Variants in HTRA1 observed in about 807,000 individuals in gnomAD.
HTRA1 encodes the protein serine protease HTRA1.
A neutral mutation model predicts 49.7 loss-of-function variants in HTRA1; 26 were observed. The observed-to-expected ratio is 0.52, with a 90% CI of 0.38 to 0.73. HTRA1 has a LOEUF of 0.73. Among genes scored for constraint, HTRA1 ranks in the 30% least tolerant of loss-of-function variants. The pLI is 0.00. For missense variants in HTRA1, 561 were observed against 667.2 expected, an observed-to-expected ratio of 0.84 and a Z score of 1.75; for synonymous variants, 291 against 286.9, an observed-to-expected ratio of 1.01 and a Z score of -0.14.
rs34977432 is a variant in HTRA1 at position 122,478,392 on chromosome 10, A to ATTTTTT, written c.473-10497_473-10492dup. Among the ~76,000 whole-genome samples, 644 of 119,056 alleles carry ATTTTTT rather than the reference A, an allele frequency of 5.4e-3. 33 individuals are homozygous for ATTTTTT. Among genetic ancestry groups the ATTTTTT allele is most frequent in the East Asian group, 7.9e-3 (31 of 3,942 alleles). The allele number at this position is 119,056 out of a possible 152,430, so 78.1% of individuals were successfully genotyped here. ...GCTCCTGGGCTCCTGAGTTTGACAG[A>ATTTTTT]TTTTTTTTTTTTTTTTTTGAGACGG... is the stretch of plus-strand genomic sequence containing the variant. On this transcript the variant is annotated intron_variant, in intron 1 of 8. Transcript: ENST00000368984.
At chr10:122,497,664 C>G (rs946191944) in intron 3 of HTRA1, among the ~76,000 whole-genome samples, 3 of 152,224 alleles carry the variant, frequency 2.0e-5, no homozygotes, top group Non-Finnish European at 4.4e-5. Context: ...GTTACCCAGT[C>G]AGTTACCCAG....
intron 1 of HTRA1, among the ~76,000 whole-genome samples, chr10:122,476,357 A>G (rs1390842431): frequency 6.6e-6 from 1 of 152,114 alleles, no homozygotes; most frequent in African/African-American, 2.4e-5. Context: ...CCGAATGTGG[A>G]CCAGCCCCTC....
At chr10:122,479,184 G>A (rs1006073022) in intron 1 of HTRA1, among the ~76,000 whole-genome samples, 14 of 152,344 alleles carry the variant, frequency 9.2e-5, no homozygotes, top group Middle Eastern at 3.4e-3. Flanking sequence ...GGCTGGAAGG[G>A]AAGGTTAGAT....
At chr10:122,492,386 T>C (rs1046291211) in intron 3 of HTRA1, among the ~76,000 whole-genome samples, 3 of 152,158 alleles carry the variant, frequency 2.0e-5, no homozygotes, top group African/African-American at 4.8e-5. Flanking sequence ...CAGGCTGGAG[T>C]GCAGTGGCGC....
chr10:122,476,296 G>A (rs887614920), intron 1 of HTRA1, among the ~76,000 whole-genome samples: 1 of 152,132 alleles, frequency 6.6e-6, no homozygotes, highest in African/African-American at 2.4e-5. Context: ...CAAATTCAGC[G>A]AGAAACCTCA....
intron 1 of HTRA1, among the ~76,000 whole-genome samples, chr10:122,479,456 G>C (rs1176128883): frequency 6.6e-6 from 1 of 152,166 alleles, no homozygotes; most frequent in Non-Finnish European, 1.5e-5. Context: ...CAGGCTTGCA[G>C]GCTTGCAGGA....
At position 122,507,360 on chromosome 10, in the gene HTRA1, T is replaced by C; in HGVS notation, c.973-10T>C. 1 of 1,609,370 alleles carries C rather than the reference T, an allele frequency of 6.2e-7. No individual in the cohort carries two copies. Among genetic ancestry groups the C allele is most frequent in the Non-Finnish European group, 8.5e-7 (1 of 1,175,674 alleles). ...CGATTTGTAACCTTTTCATTTCTGTTTAATTGCAGTATGGAAACTCGGGAG... is the reference window on the plus strand; with the variant it reads ...CGATTTGTAACCTTTTCATTTCTGTCTAATTGCAGTATGGAAACTCGGGAG... On this transcript the variant is annotated splice_polypyrimidine_tract_variant and intron_variant, in intron 4 of 8. Transcript: ENST00000368984.
chr10:122,509,115 C>T (rs538297968), intron 6 of HTRA1, among the ~76,000 whole-genome samples: 145 of 152,222 alleles, frequency 9.5e-4, no homozygotes, highest in African/African-American at 3.3e-3. Context: ...GATGAGAAAA[C>T]GGTTCAGGGA....
rs1410242854 is a variant in HTRA1 at position 122,494,935 on chromosome 10, C to G, written c.777+5309C>G. 2.0e-5 allele frequency among the ~76,000 whole-genome samples: 3 copies of G among 152,168 alleles called. No individual in the cohort carries two copies. The highest frequency in any genetic ancestry group is 7.2e-5 in the African/African-American group (3 of 41,440). ...GAACTTGGCCCTGCGCATGGTGAAT[C>G]TTCCCTGAGTCAGCTGAGTGAGGGG... is the stretch of plus-strand genomic sequence containing the variant. On this transcript the variant is annotated intron_variant, in intron 3 of 8. Transcript: ENST00000368984. The surrounding 1 kb of genome is among the most constrained non-coding windows in gnomAD (Gnocchi z 4.0).
intron 1 of HTRA1, among the ~76,000 whole-genome samples, chr10:122,471,412 A>C (rs942055637): frequency 6.6e-6 from 1 of 152,170 alleles, no homozygotes; most frequent in African/African-American, 2.4e-5. Context: ...TCATTGGCCA[A>C]ACATATAGTC....
chr10:122,463,905 T>G (rs1348674241), intron 1 of HTRA1, among the ~76,000 whole-genome samples: 1 of 152,282 alleles, frequency 6.6e-6, no homozygotes, highest in Non-Finnish European at 1.5e-5. Flanking sequence ...TAGATCAGTG[T>G]GGCTGGGGAA....
chr10:122,475,424 GAA>G (rs953445064), intron 1 of HTRA1, among the ~76,000 whole-genome samples: 2 of 152,244 alleles, frequency 1.3e-5, no homozygotes, highest in Non-Finnish European at 2.9e-5. Context: ...TAAAAGGAAA[GAA>G]AGAGGCCACA....
chr10:122,486,508 G>A (rs911341960), intron 1 of HTRA1, among the ~76,000 whole-genome samples: 4 of 152,176 alleles, frequency 2.6e-5, no homozygotes, highest in African/African-American at 4.8e-5. Context: ...TCACAGAAGC[G>A]CTCTCACTTC....
intron 1 of HTRA1, among the ~76,000 whole-genome samples, chr10:122,479,561 T>C (rs912946564): frequency 6.6e-6 from 1 of 152,180 alleles, no homozygotes; most frequent in African/African-American, 2.4e-5. Context: ...GATAATATTA[T>C]TTTATTGCTA....
Position 122,514,254 on chromosome 10 carries a change from T to G in HTRA1, c.1338T>G (p.Asn446Lys). ...SINGQSVVSA[N>K]DVSDVIKRES... ...ATGGACAGTCCGTGGTCTCCGCCAATGATGTCAGCGACGTCATTAAAAGGG... is the reference window on the plus strand; with the variant it reads ...ATGGACAGTCCGTGGTCTCCGCCAAGGATGTCAGCGACGTCATTAAAAGGG... The change falls in exon 9 of 9, where the codon AAT becomes AAG. Residue 446 changes from asparagine (N) to lysine (K), a missense_variant. Physicochemically the swap from Asn to Lys is moderately conservative, Grantham distance 94. Coordinates refer to ENST00000368984, the MANE Select transcript of HTRA1 (RefSeq NM_002775.5). The G allele has an allele frequency of 6.2e-7, 1 of 1,614,052 alleles. No homozygotes were observed. Among genetic ancestry groups the G allele is most frequent in the Admixed American group, 1.7e-5 (1 of 60,026 alleles).
chr10:122,494,558 C>A lies in HTRA1; in HGVS notation c.777+4932C>A, dbSNP rs1300814326. Among the ~76,000 whole-genome samples, 1 of 152,168 alleles carries A rather than the reference C, an allele frequency of 6.6e-6. No homozygotes were observed. Among genetic ancestry groups the A allele is most frequent in the Non-Finnish European group, 1.5e-5 (1 of 68,036 alleles). On this transcript the variant is annotated intron_variant, in intron 3 of 8. Transcript: ENST00000368984. This position sits in a 1 kb window ranked among gnomAD's most constrained non-coding sequence, Gnocchi z 4.0. Reference sequence around the variant, plus strand: ...AGTGAGCTTTCCCGTGGGTGCTTTTCCCTGACGCCAACAACCAGGTAAATA... The same window carrying A: ...AGTGAGCTTTCCCGTGGGTGCTTTTACCTGACGCCAACAACCAGGTAAATA...
At chr10:122,489,138 C>T (rs2097494534) in intron 2 of HTRA1, 137 bp downstream of exon 2, 1 of 753,992 alleles carries the variant, frequency 1.3e-6, no homozygotes, top group South Asian at 1.5e-5. Flanking sequence ...GTGTGTCTCC[C>T]TTAGAACATT....
At chr10:122,509,403 A>G (rs1206579877) in intron 6 of HTRA1, among the ~76,000 whole-genome samples, 1 of 152,130 alleles carries the variant, frequency 6.6e-6, no homozygotes, top group Admixed American at 6.5e-5. Context: ...CTGAGGTCTG[A>G]GTGAGGAGGA....
chr10:122,511,395 T>C (rs2097505506), intron 7 of HTRA1, among the ~76,000 whole-genome samples: 1 of 152,176 alleles, frequency 6.6e-6, no homozygotes, highest in African/African-American at 2.4e-5. Flanking sequence ...ACCACTGTAC[T>C]TTACTGACTC....
Sources: gnomAD v4.1 joint callset for allele counts (sites outside exome capture counted in the v4.1 genomes callset) on GRCh38, gnomAD v4.1.1 for gene constraint, Gnocchi (gnomAD v3.1) non-coding constraint, MANE v1.5 for transcripts, NCBI Gene and HGNC (gene_info 2026-07-23, HGNC 2026-07-21) for gene names.